Variants in NFASC observed in about 807,000 individuals in gnomAD.
The protein encoded by NFASC is neurofascin, also known as neurofascin homolog.
Under a neutral mutation model 147.5 loss-of-function variants are expected in NFASC, and 43 were observed. The ratio of observed to expected loss-of-function variants is 0.29; its 90% CI spans 0.23 to 0.38. The LOEUF (loss-of-function observed/expected upper bound fraction) is 0.38, where lower values mean the gene tolerates loss of function less well. Among genes scored for constraint, NFASC ranks in the 10% least tolerant of loss-of-function variants. The pLI is 1.00. For synonymous variants in NFASC, 622 were observed against 665.5 expected (o/e 0.93, Z 1.01); for missense variants, 1,320 against 1,689.0 (o/e 0.78, Z 3.83).
At chr1:204,960,581 G>A (rs1449219779) in intron 8 of NFASC, among the ~76,000 whole-genome samples, 1 of 152,232 alleles carries the variant, frequency 6.6e-6, no homozygotes, top group Non-Finnish European at 1.5e-5. Context: ...CACGAGGTCA[G>A]TTCTGGGCGT....
chr1:204,929,872 CAT>C (rs1362477131), intron 2 of NFASC, among the ~76,000 whole-genome samples: 2 of 152,198 alleles, frequency 1.3e-5, no homozygotes, highest in Non-Finnish European at 2.9e-5. Context: ...CTAGGAGACT[CAT>C]AGTTCTGGCC....
rs1313854890 is a variant in NFASC at position 204,987,967 on chromosome 1, A to G, written c.2593+427A>G. Among the ~76,000 whole-genome samples the G allele has an allele frequency of 1.3e-5, 2 of 152,178 alleles. No homozygotes were observed. Among genetic ancestry groups the G allele is most frequent in the Non-Finnish European group, 2.9e-5 (2 of 68,022 alleles). ...ATGTCATTTATGATAAGGCAGCTGCATGTAGAGCTGCCCGGTGACTGTGGG... is the reference window on the plus strand; with the variant it reads ...ATGTCATTTATGATAAGGCAGCTGCGTGTAGAGCTGCCCGGTGACTGTGGG... On this transcript the variant is annotated intron_variant, in intron 22 of 29. Transcript: ENST00000339876. The surrounding 1 kb of genome is among the most constrained non-coding windows in gnomAD (Gnocchi z 4.4).
chr1:205,007,905 G>C (rs988549461), intron 27 of NFASC, among the ~76,000 whole-genome samples: 3 of 152,168 alleles, frequency 2.0e-5, no homozygotes, highest in African/African-American at 7.2e-5. Flanking sequence ...AGTCCTACGT[G>C]GGGGGTTGGA....
At chr1:204,948,371 G>A (rs1030151055) in intron 3 of NFASC, among the ~76,000 whole-genome samples, 12 of 152,176 alleles carry the variant, frequency 7.9e-5, no homozygotes, top group Admixed American at 3.3e-4. Context: ...GGCTGCAGAC[G>A]CCATCCCTAT....
At chr1:204,835,086 A>G (rs942816362) in intron 1 of NFASC, among the ~76,000 whole-genome samples, 12 of 152,080 alleles carry the variant, frequency 7.9e-5, no homozygotes, top group Admixed American at 2.6e-4. Flanking sequence ...GTGGTAAGAG[A>G]TATGTGTCCA....
Position 205,015,068 on chromosome 1 carries a change from AAC to A in NFASC, c.3492-1236_3492-1235del, listed in dbSNP as rs985403572. On this transcript the variant is annotated intron_variant, in intron 29 of 29. Transcript: ENST00000339876. This position sits in a 1 kb window ranked among gnomAD's most constrained non-coding sequence, Gnocchi z 4.0. ...GTGGGCTAATAGCTTTCAATCTTCT[AAC>A]ACAGCCCCGGCTCTGGCTCGCTGCC... Among the ~76,000 whole-genome samples the A allele has an allele frequency of 1.3e-5, 2 of 152,094 alleles. No individual in the cohort carries two copies. Among genetic ancestry groups the A allele is most frequent in the Non-Finnish European group, 2.9e-5 (2 of 68,016 alleles).
chr1:204,986,167 C>A lies in NFASC; in HGVS notation c.2471-1251C>A. The A allele has an allele frequency of 7.2e-7, 1 of 1,387,566 alleles. No homozygotes were observed. Among genetic ancestry groups the A allele is most frequent in the Non-Finnish European group, 1.0e-6 (1 of 975,700 alleles). 86.0% of individuals were successfully genotyped at this position (1,387,566 alleles called of 1,614,324 possible). ...TGGGGCAGGAGAAGGGTGGCACACA[C>A]CTTGGGCCTGGAGAAACTCCAGCGT... On this transcript the variant is annotated intron_variant, in intron 21 of 29. Transcript: ENST00000339876. The surrounding 1 kb of genome is among the most constrained non-coding windows in gnomAD (Gnocchi z 4.2).
intron 1 of NFASC, among the ~76,000 whole-genome samples, chr1:204,888,048 C>A (rs111408977): frequency 1.3e-5 from 2 of 152,222 alleles, no homozygotes; most frequent in African/African-American, 4.8e-5. Context: ...ATAAAAGAGA[C>A]CCTGTTATTC....
chr1:204,948,529 C>T, intron 3 of NFASC: 1 of 510,698 alleles, frequency 2.0e-6, no homozygotes, highest in South Asian at 1.4e-5. Flanking sequence ...AGAGCAGAGT[C>T]CTGAGGCCCC....
intron 25 of NFASC, 37 bp downstream of exon 25, chr1:204,997,443 G>T: frequency 1.3e-6 from 2 of 1,551,354 alleles, no homozygotes; most frequent in Non-Finnish European, 1.7e-6. Flanking sequence ...TCCCCTCCTG[G>T]CCCGCCTCCC....
In NFASC at chr1:204,902,060, G is replaced by A. The variant is rs568649344; in HGVS notation, c.-199-18572G>A. ...TGTAATCCCAACACTTTAGAAGGCC[G>A]AGGCGGGAGGATTGCCTGAGCCTAG... On this transcript the variant is annotated intron_variant, in intron 1 of 29. Coordinates refer to ENST00000339876, the MANE Select transcript of NFASC (RefSeq NM_001005388.3). Among the ~76,000 whole-genome samples the A allele has an allele frequency of 5.3e-5, 8 of 152,274 alleles. No individual in the cohort carries two copies. In the East Asian group the frequency reaches 1.2e-3, roughly 22 times the overall value.
At chr1:204,880,328 T>G (rs1178848241) in intron 1 of NFASC, among the ~76,000 whole-genome samples, 2 of 152,156 alleles carry the variant, frequency 1.3e-5, no homozygotes, top group African/African-American at 4.8e-5. Flanking sequence ...ATGTAATTTT[T>G]TTTCTCATTG....
intron 1 of NFASC, among the ~76,000 whole-genome samples, chr1:204,874,170 G>A (rs558797461): frequency 6.6e-6 from 1 of 152,154 alleles, no homozygotes; most frequent in Non-Finnish European, 1.5e-5. Context: ...CTACCCAGCC[G>A]AAATCTTCCT....
Position 204,954,164 on chromosome 1 carries a change from G to A in NFASC, c.216-24G>A, listed in dbSNP as rs777346580. 2 of 1,612,166 alleles carry A rather than the reference G, an allele frequency of 1.2e-6. No homozygotes were observed. Among genetic ancestry groups the A allele is most frequent in the East Asian group, 2.2e-5 (1 of 44,866 alleles). ...AGAGCCCACCCCATTCGTCTTGGTTGCCACTGCTCCCCACTCTCCACAGCT... is the reference window on the plus strand; with the variant it reads ...AGAGCCCACCCCATTCGTCTTGGTTACCACTGCTCCCCACTCTCCACAGCT... On this transcript the variant is annotated intron_variant, in intron 5 of 29. Transcript: ENST00000339876. This position sits in a 1 kb window ranked among gnomAD's most constrained non-coding sequence, Gnocchi z 5.7.
intron 1 of NFASC, among the ~76,000 whole-genome samples, chr1:204,863,232 A>G (rs116519756): frequency 0.012 from 1,862 of 152,310 alleles, 31 homozygotes; most frequent in African/African-American, 0.042. Context: ...TGCCATCACC[A>G]CAGTAACTCA....
At chr1:204,980,294 A>G in intron 19 of NFASC, 76 bp from the exon 20 acceptor site, 1 of 1,081,480 alleles carries the variant, frequency 9.2e-7, no homozygotes, top group Non-Finnish European at 1.4e-6. Context: ...CCCATCAGGT[A>G]GGACAGAGGA....
chr1:204,993,375 C>G (rs1252400731), intron 24 of NFASC, among the ~76,000 whole-genome samples: 2 of 152,196 alleles, frequency 1.3e-5, no homozygotes, highest in Non-Finnish European at 1.5e-5. Flanking sequence ...CTTCTTTGAC[C>G]CAGCTCAGGT....
At chr1:204,920,565 A>G in intron 1 of NFASC, 67 bp from the exon 2 acceptor site, 1 of 825,718 alleles carries the variant, frequency 1.2e-6, no homozygotes, top group South Asian at 1.5e-5. Flanking sequence ...GCAAACCACA[A>G]AGGCTTTTTT....
rs559004714 is a variant in NFASC at position 205,011,907 on chromosome 1, C to T, written c.3422-890C>T. 3.3e-5 allele frequency among the ~76,000 whole-genome samples: 5 copies of T among 152,218 alleles called. No individual in the cohort carries two copies. The South Asian group carries it at 8.3e-4, about 25-fold the overall frequency. ...CAGCCTGGCCAACATGGTAAAACCTCGTCTCTACTAAAAATACAAAAATGA... is the reference window on the plus strand; with the variant it reads ...CAGCCTGGCCAACATGGTAAAACCTTGTCTCTACTAAAAATACAAAAATGA... On this transcript the variant is annotated intron_variant, in intron 28 of 29. Coordinates refer to ENST00000339876, the MANE Select transcript of NFASC (RefSeq NM_001005388.3).
Sources: allele counts gnomAD v4.1 joint callset (sites outside exome capture counted in the v4.1 genomes callset), GRCh38; gene constraint gnomAD v4.1.1; non-coding constraint Gnocchi (gnomAD v3.1); transcripts MANE v1.5; gene names NCBI Gene and HGNC (gene_info 2026-07-23, HGNC 2026-07-21).